Variants in FAT3 observed in about 807,000 individuals in gnomAD.
The protein encoded by FAT3 is FAT atypical cadherin 3.
A neutral mutation model predicts 310.2 loss-of-function variants in FAT3; 95 were observed. That is an observed-to-expected ratio of 0.31 (90% CI 0.26 to 0.36). The LOEUF (loss-of-function observed/expected upper bound fraction) is 0.36, where lower values mean the gene tolerates loss of function less well. Ranked by LOEUF, FAT3 falls within the 10% of genes least tolerant of loss-of-function variation. The pLI, the probability that FAT3 is intolerant of heterozygous loss-of-function variation, is 1.00. For synonymous variants in FAT3, 2,314 were observed against 2,192.9 expected, an observed-to-expected ratio of 1.06 and a Z score of -1.54; for missense variants, 5,408 against 5,715.6, an observed-to-expected ratio of 0.95 and a Z score of 1.74.
rs538688409 is a variant in FAT3, at chr11:92,727,374, G to A, written c.3669+29929G>A. ...TGCCACCGACTTCATGGGAGATACA[G>A]CCTGTCAGGGAAGACAGACATTAAG... On this transcript the variant is annotated intron_variant, in intron 4 of 27. Coordinates refer to ENST00000525166, the MANE Select transcript of FAT3 (RefSeq NM_001367949.2). Among the ~76,000 whole-genome samples the A allele has an allele frequency of 5.9e-5, 9 of 152,126 alleles. No homozygotes were observed. The South Asian group carries it at 1.0e-3, about 18-fold the overall frequency.
intron 2 of FAT3, among the ~76,000 whole-genome samples, chr11:92,385,299 T>G (rs1949591366): frequency 6.6e-6 from 1 of 152,206 alleles, no homozygotes; most frequent in South Asian, 2.1e-4. Context: ...TGTTTCCAAG[T>G]GTCCGTAGGT....
intron 2 of FAT3, among the ~76,000 whole-genome samples, chr11:92,456,535 T>C (rs1323481897): frequency 6.6e-6 from 1 of 152,164 alleles, no homozygotes. Flanking sequence ...ATGGACATTG[T>C]AGACAAATTA....
At chr11:92,300,528 C>T (rs1451480957) in intron 1 of FAT3, among the ~76,000 whole-genome samples, 1 of 152,106 alleles carries the variant, frequency 6.6e-6, no homozygotes, top group Non-Finnish European at 1.5e-5. Flanking sequence ...ACTTTTTCAG[C>T]AGATCTTTTA....
At chr11:92,705,554 G>T (rs1591629660) in intron 4 of FAT3, among the ~76,000 whole-genome samples, 1 of 145,652 alleles carries the variant, frequency 6.9e-6, no homozygotes, top group East Asian at 2.2e-4. Flanking sequence ...TGATGGTGGT[G>T]GTGTGATGGT....
chr11:92,670,291 T>G (rs1049527433), intron 3 of FAT3, among the ~76,000 whole-genome samples: 3 of 152,166 alleles, frequency 2.0e-5, no homozygotes, highest in Non-Finnish European at 4.4e-5. Context: ...TGTTTTCCAT[T>G]CTGGAGCATT....
chr11:92,759,122 T>C (rs1387241193), intron 4 of FAT3, among the ~76,000 whole-genome samples: 1 of 152,094 alleles, frequency 6.6e-6, no homozygotes, highest in African/African-American at 2.4e-5. Flanking sequence ...GGAGGAGTAA[T>C]TGGCAAAAAG....
chr11:92,330,401 C>T (rs1360416846), intron 1 of FAT3, among the ~76,000 whole-genome samples: 1 of 152,184 alleles, frequency 6.6e-6, no homozygotes, highest in Non-Finnish European at 1.5e-5. Flanking sequence ...TGCCTTTTAA[C>T]TCTGAGCAAG....
intron 2 of FAT3, among the ~76,000 whole-genome samples, chr11:92,496,348 C>T (rs1591367416): frequency 1.3e-5 from 2 of 151,988 alleles, no homozygotes; most frequent in African/African-American, 4.8e-5. Flanking sequence ...GCCTCTCCAC[C>T]GCACCCTCTG....
At chr11:92,319,037 G>A (rs1351983546) in intron 1 of FAT3, among the ~76,000 whole-genome samples, 1 of 152,156 alleles carries the variant, frequency 6.6e-6, no homozygotes, top group Non-Finnish European at 1.5e-5. Flanking sequence ...GGAGAGCTTT[G>A]ATCAGTTGCT....
At chr11:92,344,659 G>A (rs1948361992) in intron 1 of FAT3, among the ~76,000 whole-genome samples, 1 of 152,186 alleles carries the variant, frequency 6.6e-6, no homozygotes, top group African/African-American at 2.4e-5. Flanking sequence ...TGTGAAGAAG[G>A]AAGAAGAAAT....
intron 3 of FAT3, among the ~76,000 whole-genome samples, chr11:92,639,231 G>A (rs1941872471): frequency 6.6e-6 from 1 of 152,016 alleles, no homozygotes; most frequent in Admixed American, 6.5e-5. Context: ...GGATCTCCAG[G>A]GCTTCATCAT....
chr11:92,314,477 T>A (rs1245412391), intron 1 of FAT3, among the ~76,000 whole-genome samples: 1 of 152,198 alleles, frequency 6.6e-6, no homozygotes, highest in African/African-American at 2.4e-5. Context: ...TACTGTAGGC[T>A]TTTTTGTTTG....
chr11:92,348,193 T>G (rs1948467359), intron 1 of FAT3, among the ~76,000 whole-genome samples: 1 of 152,182 alleles, frequency 6.6e-6, no homozygotes, highest in African/African-American at 2.4e-5. Context: ...ATATTTTGTT[T>G]TCAACAACTG....
intron 2 of FAT3, among the ~76,000 whole-genome samples, chr11:92,469,219 C>A (rs1433042666): frequency 1.3e-5 from 2 of 152,072 alleles, no homozygotes; most frequent in Non-Finnish European, 2.9e-5. Context: ...TAAATTAGCC[C>A]TGTTTAATGT....
At chr11:92,551,052 A>T (rs958757237) in intron 3 of FAT3, among the ~76,000 whole-genome samples, 2 of 152,022 alleles carry the variant, frequency 1.3e-5, no homozygotes, top group African/African-American at 4.8e-5. Context: ...GATGAGGCTG[A>T]GTCTCAGACA....
intron 3 of FAT3, among the ~76,000 whole-genome samples, chr11:92,546,654 T>C (rs1954626832): frequency 6.6e-6 from 1 of 152,238 alleles, no homozygotes; most frequent in South Asian, 2.1e-4. Context: ...CTTTTGAATA[T>C]TAAGCTTCCA....
At position 92,742,610 on chromosome 11, in the gene FAT3, G is replaced by T. The variant is rs375676639; in HGVS notation, c.3670-19246G>T. On this transcript the variant is annotated intron_variant, in intron 4 of 27. Coordinates refer to ENST00000525166, the MANE Select transcript of FAT3 (RefSeq NM_001367949.2). Reference sequence around the variant, plus strand: ...GGATGGATTGAAGCTCTTATCTCAGGAGTGGGTTCTGGATAAAAAGGATAA... The same window carrying T: ...GGATGGATTGAAGCTCTTATCTCAGTAGTGGGTTCTGGATAAAAAGGATAA... Among the ~76,000 whole-genome samples, 6 of 152,278 alleles carry T rather than the reference G, an allele frequency of 3.9e-5. No individual in the cohort carries two copies. The South Asian group carries it at 6.2e-4, about 16-fold the overall frequency.
At chr11:92,315,215 T>A (rs1341509897) in intron 1 of FAT3, among the ~76,000 whole-genome samples, 1 of 150,334 alleles carries the variant, frequency 6.7e-6, no homozygotes, top group East Asian at 1.9e-4. Context: ...GTTAAAAATG[T>A]AAAAAACAGT....
chr11:92,679,228 T>C (rs759366389), intron 3 of FAT3, among the ~76,000 whole-genome samples: 2 of 152,206 alleles, frequency 1.3e-5, no homozygotes, highest in African/African-American at 4.8e-5. Flanking sequence ...ATAGCTTTGT[T>C]ATTGTGAGTA....
Sources: allele counts gnomAD v4.1 joint callset (sites outside exome capture counted in the v4.1 genomes callset), GRCh38; gene constraint gnomAD v4.1.1; transcripts MANE v1.5; gene names NCBI Gene and HGNC (gene_info 2026-07-23, HGNC 2026-07-21).